TECPR1: variants seen among roughly 807,000 people sequenced by gnomAD.
TECPR1 encodes tectonin beta-propeller repeat-containing protein 1.
In TECPR1, 122 loss-of-function variants were observed where a neutral mutation model predicts 162.4. The observed-to-expected ratio is 0.75, with a 90% CI of 0.65 to 0.87. TECPR1 has a LOEUF of 0.87. Among genes scored for constraint, TECPR1 ranks in the 40% least tolerant of loss-of-function variants. The probability of loss-of-function intolerance (pLI) is 0.00; values close to 1 mark genes in which losing one functional copy is unlikely to be tolerated. For synonymous variants in TECPR1, 642 were observed against 670.6 expected (o/e 0.96, Z 0.66); for missense variants, 1,432 against 1,618.2 (o/e 0.88, Z 1.97).
rs923623586 is a variant in TECPR1, at chr7:98,240,959, G to A, written c.833-8C>T. 2 of 1,600,710 alleles carry A rather than the reference G, an allele frequency of 1.2e-6. No homozygotes were observed. Among genetic ancestry groups the A allele is most frequent in the South Asian group, 1.1e-5 (1 of 88,492 alleles). On this transcript the variant is annotated splice_region_variant and splice_polypyrimidine_tract_variant and intron_variant, in intron 7 of 25. Transcript: ENST00000447648. The stretch of plus-strand genomic sequence containing the variant: ...CGATGGACCAGGAACTTCCTACCGG[G>A]CCCCCAAGAAACCCCCAGTGGCCCC...
chr7:98,218,433 G>T (rs1798071086), intron 23 of TECPR1, among the ~76,000 whole-genome samples: 1 of 152,210 alleles, frequency 6.6e-6, no homozygotes. Flanking sequence ...GTCACGGTGT[G>T]TCTGTTTGCC....
chr7:98,222,272 ACTTCTGGGGGAAGTCCCAG>A (rs1798160131), intron 22 of TECPR1, 95 bp downstream of exon 22: 2 of 1,408,896 alleles, frequency 1.4e-6, no homozygotes. Flanking sequence ...GGGGACTCCC[ACTTCTGGGGGAAGTCCCAG>A]CTTCTGGGGG....
rs751292605 is a variant in TECPR1, at chr7:98,245,035, C to G, written c.258G>C (p.Lys86Asn). 2.2e-5 allele frequency: 35 copies of G among 1,601,394 alleles called. No homozygotes were observed. Among genetic ancestry groups the G allele is most frequent in the Non-Finnish European group, 3.0e-5 (35 of 1,174,828 alleles). ...ACCCCCAGCGGTCACTCAGCAGGAG[C>G]TTCTCACAGAAGCCGCCCATGGGAT... is the stretch of plus-strand genomic sequence containing the variant. ...RWNPMGGFCE[K>N]LLLSDRWGWS... Residue 86 changes from lysine (K) to asparagine (N), a missense_variant, in exon 4 of 26, where the codon AAG becomes AAC. Lys to Asn is a moderately conservative substitution (Grantham distance 94). Coordinates refer to ENST00000447648, the MANE Select transcript of TECPR1 (RefSeq NM_015395.3).
In TECPR1 at chr7:98,245,976, A is replaced by G. The variant is rs371921232; in HGVS notation, c.171T>C (p.Tyr57=). Residue 57 remains tyrosine, a synonymous_variant, in exon 3 of 26, where the codon TAT becomes TAC. Coordinates refer to ENST00000447648, the MANE Select transcript of TECPR1 (RefSeq NM_015395.3). ...GIACDNQVYV[Y]VCASDVPIRR... is the part of the protein sequence containing the mutation. ...GGATGGGGACATCGCTGGCACACAC[A>G]TACACGTAGACCTGGTTGTCACAGG... 3.4e-4 allele frequency: 547 copies of G among 1,606,892 alleles called. No individual in the cohort carries two copies. Among genetic ancestry groups the G allele is most frequent in the Non-Finnish European group, 4.5e-4 (527 of 1,177,410 alleles).
chr7:98,238,479 T>G (rs1429986635), intron 9 of TECPR1, 30 bp downstream of exon 9: 1 of 1,537,826 alleles, frequency 6.5e-7, no homozygotes. Context: ...AGACCCCTGC[T>G]GTTTAGGGGC....
chr7:98,251,945 G>A (rs1799072967), intron 1 of TECPR1, 181 bp downstream of exon 1: 1 of 152,404 alleles, frequency 6.6e-6, no homozygotes, highest in Non-Finnish European at 1.5e-5. Flanking sequence ...CCAGGGCAGG[G>A]GACGGGGGCG....
In TECPR1 at chr7:98,232,289, G is replaced by T. The variant is rs368202457; in HGVS notation, c.1819-330C>A. 2.6e-5 allele frequency among the ~76,000 whole-genome samples: 4 copies of T among 152,182 alleles called. No individual in the cohort carries two copies. Among genetic ancestry groups the T allele is most frequent in the East Asian group, 1.9e-4 (1 of 5,172 alleles). The stretch of plus-strand genomic sequence containing the variant: ...TGTCACAGAGTGAGCCAGCGGCAGA[G>T]CTAGAACCCAAACCACAGCCTACTT... On this transcript the variant is annotated intron_variant, in intron 12 of 25. Coordinates refer to ENST00000447648, the MANE Select transcript of TECPR1 (RefSeq NM_015395.3). The surrounding 1 kb of genome is among the most constrained non-coding windows in gnomAD (Gnocchi z 4.6).
chr7:98,222,607 C>A (rs986271779), intron 21 of TECPR1, 86 bp from the exon 22 acceptor site: 9 of 1,476,946 alleles, frequency 6.1e-6, no homozygotes, highest in African/African-American at 5.6e-5. Flanking sequence ...ATGGGCCTAG[C>A]GCGTGGGCAG....
rs1174635654 is a variant in TECPR1 at position 98,223,134 on chromosome 7, C to T, written c.2784G>A (p.Glu928=). ...CGTCCCTGAGGGCGATGGGGGGCAC[C>T]TCCAGCCAGGGCCCACTGGTCACCA... The part of the protein sequence containing the change: ...CKLVTSGPWL[E]VPPIALRDVS... The change falls in exon 21 of 26, where the codon GAG becomes GAA. Residue 928 remains glutamate (E), a synonymous_variant. Coordinates refer to ENST00000447648, the MANE Select transcript of TECPR1 (RefSeq NM_015395.3). 6.2e-7 allele frequency: 1 copy of T among 1,604,608 alleles called. No homozygotes were observed. The highest frequency in any genetic ancestry group is 8.5e-7 in the Non-Finnish European group (1 of 1,176,212).
In TECPR1 at chr7:98,233,570, T is replaced by A; in HGVS notation, c.1523A>T (p.Glu508Val). 6.3e-7 allele frequency: 1 copy of A among 1,597,502 alleles called. No homozygotes were observed. Residue 508 changes from glutamate to valine, a missense_variant, in exon 11 of 26, where the codon GAG becomes GTG. By Grantham distance (121) the Glu-to-Val change is moderately radical. Transcript: ENST00000447648. ...CCCCAGAGAGGAGAGGCTGGTGGTC[T>A]CGGGGAAGCCAGCGGCCGAGTGGCT... The part of the protein sequence containing the change: ...VPSHSAAGFP[E>V]TTSLSSLGLL...
In TECPR1 at chr7:98,243,567, T is replaced by A; in HGVS notation, c.557A>T (p.Glu186Val). ...AKIPSKDDPK[E>V]LPDPFNDLSV... Reference sequence around the variant, plus strand: ...GAGGTCGTTGAAGGGGTCGGGCAGCTCCTTGGGGTCATCCTTCGAGGGGAT... The same window carrying A: ...GAGGTCGTTGAAGGGGTCGGGCAGCACCTTGGGGTCATCCTTCGAGGGGAT... The change falls in exon 6 of 26, where the codon GAG becomes GTG. Residue 186 changes from glutamate to valine, a missense_variant. Glu to Val is a moderately radical substitution (Grantham distance 121). Transcript: ENST00000447648. The A allele has an allele frequency of 1.2e-6, 2 of 1,612,422 alleles. No individual in the cohort carries two copies. Among genetic ancestry groups the A allele is most frequent in the Non-Finnish European group, 1.7e-6 (2 of 1,179,696 alleles).
In TECPR1 at chr7:98,235,847, A is replaced by AC. The variant is rs1562940381; in HGVS notation, c.1181+928_1181+929insG. 1.8e-3 allele frequency among the ~76,000 whole-genome samples: 247 copies of AC among 139,266 alleles called. 10 individuals are homozygous for AC. The highest frequency in any genetic ancestry group is 7.4e-3 in the Middle Eastern group (2 of 270). The allele number at this position is 139,266 out of a possible 152,430, so 91.4% of individuals were successfully genotyped here. On this transcript the variant is annotated intron_variant, in intron 10 of 25. Transcript: ENST00000447648. ...TGTCTCAAAAAAAAAAAAAAAAAAA[A>AC]AAAACACCATCTGAGCAGACTAAAC...
At chr7:98,227,355 G>A (rs1166979675) in intron 17 of TECPR1, among the ~76,000 whole-genome samples, 2 of 149,386 alleles carry the variant, frequency 1.3e-5, no homozygotes, top group Non-Finnish European at 3.0e-5. Context: ...TCGCGCCACT[G>A]CACTCCAGCC....
chr7:98,231,632 G>A (rs1283945935), intron 13 of TECPR1, 172 bp downstream of exon 13: 39 of 284,408 alleles, frequency 1.4e-4, no homozygotes, highest in South Asian at 8.9e-4. Flanking sequence ...CCCCTTCCCC[G>A]GGCACCCCCA....
Position 98,228,005 on chromosome 7 carries a change from G to A in TECPR1, c.2513+9C>T, listed in dbSNP as rs747548616. The A allele has an allele frequency of 6.2e-5, 99 of 1,608,848 alleles. No individual in the cohort carries two copies. The highest frequency in any genetic ancestry group is 7.7e-5 in the Non-Finnish European group (91 of 1,177,668). Reference sequence around the variant, plus strand: ...GGCAGCATCCTGGCCGGGCACCTGTGCCACTTACCTGCTGGTGTAGCCTGT... The same window carrying A: ...GGCAGCATCCTGGCCGGGCACCTGTACCACTTACCTGCTGGTGTAGCCTGT... On this transcript the variant is annotated intron_variant, in intron 17 of 25. Coordinates refer to ENST00000447648, the MANE Select transcript of TECPR1 (RefSeq NM_015395.3).
chr7:98,225,244 G>A, intron 17 of TECPR1, 142 bp from the exon 18 acceptor site: 2 of 772,474 alleles, frequency 2.6e-6, no homozygotes, highest in Non-Finnish European at 4.3e-6. Context: ...CTCCTAAGAG[G>A]TGACAGCCTG....
intron 2 of TECPR1, 72 bp from the exon 3 acceptor site, chr7:98,246,237 G>A: frequency 1.1e-6 from 1 of 931,090 alleles, no homozygotes; most frequent in Non-Finnish European, 1.6e-6. Flanking sequence ...TGAAACCTGG[G>A]AGACTTCTAC....
chr7:98,242,126 T>C (rs1798765889), intron 6 of TECPR1, among the ~76,000 whole-genome samples: 1 of 152,230 alleles, frequency 6.6e-6, no homozygotes. Flanking sequence ...GAAGCAACTG[T>C]GTTCGCCTGT....
rs759324922 is a variant in TECPR1 at position 98,222,444 on chromosome 7, G to A, written c.3006C>T (p.Ala1002=). Residue 1002 remains alanine (A), a synonymous_variant, in exon 22 of 26, where the codon GCC becomes GCT. Coordinates refer to ENST00000447648, the MANE Select transcript of TECPR1 (RefSeq NM_015395.3). ...AGAAGGCGGAGCCGTCCCTTGCCACGGCCCACACCTGGTAGCAGGCCCCGA... is the reference window on the plus strand; with the variant it reads ...AGAAGGCGGAGCCGTCCCTTGCCACAGCCCACACCTGGTAGCAGGCCCCGA... ...ISIGACYQVW[A]VARDGSAFYR... is the part of the protein sequence containing the mutation. 3.9e-5 allele frequency: 62 copies of A among 1,595,860 alleles called. No homozygotes were observed. The highest frequency in any genetic ancestry group is 1.7e-4 in the Middle Eastern group (1 of 5,828).
Sources: allele counts gnomAD v4.1 joint callset (sites outside exome capture counted in the v4.1 genomes callset), GRCh38; gene constraint gnomAD v4.1.1; non-coding constraint Gnocchi (gnomAD v3.1); transcripts MANE v1.5; gene names NCBI Gene and HGNC (gene_info 2026-07-23, HGNC 2026-07-21).